CR1: variants seen among roughly 807,000 people sequenced by gnomAD.
CR1 encodes complement receptor type 1.
In CR1, 116 loss-of-function variants were observed where a neutral mutation model predicts 187.3. That is an observed-to-expected ratio of 0.62 (90% CI 0.53 to 0.72). The LOEUF (loss-of-function observed/expected upper bound fraction) is 0.72, where lower values mean the gene tolerates loss of function less well. CR1 is among the 30% of genes least tolerant of loss of function. The probability of loss-of-function intolerance (pLI) is 0.00; values close to 1 mark genes in which losing one functional copy is unlikely to be tolerated. For synonymous variants in CR1, 576 were observed against 747.1 expected (o/e 0.77, Z 3.73); for missense variants, 1,731 against 2,110.7 (o/e 0.82, Z 3.52).
chr1:207,503,648 T>C (rs944969111), intron 1 of CR1, among the ~76,000 whole-genome samples: 1 of 152,182 alleles, frequency 6.6e-6, no homozygotes, highest in African/African-American at 2.4e-5. Flanking sequence ...ACATTTAAGG[T>C]CCACCTAGAT....
Position 207,567,977 on chromosome 1 carries a change from G to T in CR1, c.4106G>T (p.Arg1369Leu). The T allele has an allele frequency of 6.2e-7, 1 of 1,610,404 alleles. No homozygotes were observed. Among genetic ancestry groups the T allele is most frequent in the Non-Finnish European group, 8.5e-7 (1 of 1,179,592 alleles). ...SFDLIGESTI[R>L]CTSDPQGNGV... ...GACCTCATTGGAGAGAGCACCATCC[G>T]CTGCACAAGTGACCCTCAAGGGAAT... The change falls in exon 25 of 47, where the codon CGC (arginine) becomes CTC (leucine). Residue 1369 changes from arginine to leucine, a missense_variant. Arg to Leu is a moderately radical substitution (Grantham distance 102). This residue lies in a region of CR1 where 1,312 missense variants were observed against 1,379.6 expected (regional missense o/e 0.95). Coordinates refer to ENST00000367049, the MANE Select transcript of CR1 (RefSeq NM_000651.6).
intron 45 of CR1, among the ~76,000 whole-genome samples, chr1:207,630,016 T>C (rs1365015896): frequency 6.6e-6 from 1 of 152,196 alleles, no homozygotes; most frequent in East Asian, 1.9e-4. Context: ...AAAAAGTGAG[T>C]AAATATTTCT....
intron 35 of CR1, among the ~76,000 whole-genome samples, chr1:207,600,221 A>C (rs2102371740): frequency 6.6e-6 from 1 of 152,318 alleles, no homozygotes; most frequent in South Asian, 2.1e-4. Context: ...GATTGAGAGC[A>C]TTATTTTTCT....
chr1:207,602,441 G>A (rs1436036007), intron 35 of CR1, among the ~76,000 whole-genome samples: 1 of 152,038 alleles, frequency 6.6e-6, no homozygotes, highest in African/African-American at 2.4e-5. Flanking sequence ...AACAAGTAAG[G>A]TTATTCCAGA....
intron 41 of CR1, among the ~76,000 whole-genome samples, chr1:207,617,507 A>ATGTGTGTGTG (rs1167357538): frequency 0.011 from 510 of 46,974 alleles, 38 homozygotes; most frequent in African/African-American, 0.027. Context: ...ATATATATAT[A>ATGTGTGTGTG]TGTGTGTGTG....
rs903249338 is a variant in CR1 at position 207,503,057 on chromosome 1, C to T, written c.122-2847C>T. On this transcript the variant is annotated intron_variant, in intron 1 of 46. Transcript: ENST00000367049. ...AGCACTCCCACTTTAGCGGAATAAT[C>T]GAATTTAACTCTTAGAAGTCCCCTT... is the stretch of plus-strand genomic sequence containing the variant. 1.1e-4 allele frequency among the ~76,000 whole-genome samples: 17 copies of T among 152,272 alleles called. No homozygotes were observed. In the East Asian group the frequency reaches 2.5e-3, roughly 22 times the overall value.
chr1:207,523,765 C>T lies in CR1; in HGVS notation c.642C>T (p.Tyr214=), dbSNP rs1255056050. The T allele has an allele frequency of 2.5e-6, 4 of 1,612,052 alleles. No homozygotes were observed. The part of the protein sequence containing the change: ...VFELVGEPSI[Y]CTSNDDQVGI... ...AGCTTGTGGGTGAGCCCTCCATATA[C>T]TGCACCAGCAATGACGATCAAGTGG... The change falls in exon 5 of 47, where the codon TAC becomes TAT. Residue 214 remains tyrosine, a synonymous_variant. Transcript: ENST00000367049.
rs139203101 is a variant in CR1 at position 207,521,624 on chromosome 1, C to CTT, written c.488-1962_488-1961dup. 1.6e-3 allele frequency among the ~76,000 whole-genome samples: 141 copies of CTT among 88,300 alleles called. 7 individuals are homozygous for CTT. Among genetic ancestry groups the CTT allele is most frequent in the African/African-American group, 2.2e-3 (49 of 21,808 alleles). The allele number at this position is 88,300 out of a possible 152,430, so 57.9% of individuals were successfully genotyped here. On this transcript the variant is annotated intron_variant, in intron 4 of 46. Transcript: ENST00000367049. Reference sequence around the variant, plus strand: ...TTTATTTTCCAAATCTGCCCTCTTCCTTTTTTTTTTTTTTTTTTTTTTTTT... The same window carrying CTT: ...TTTATTTTCCAAATCTGCCCTCTTCCTTTTTTTTTTTTTTTTTTTTTTTTTTT...
At chr1:207,626,357 T>A (rs1374951545) in intron 45 of CR1, among the ~76,000 whole-genome samples, 1 of 152,202 alleles carries the variant, frequency 6.6e-6, no homozygotes, top group Admixed American at 6.5e-5. Flanking sequence ...GTTGGGCTGA[T>A]TAATCATGCA....
rs1377763732 is a variant in CR1 at position 207,616,814 on chromosome 1, C to T, written c.6889+12C>T. The T allele has an allele frequency of 1.4e-5, 23 of 1,613,394 alleles. No individual in the cohort carries two copies. The highest frequency in any genetic ancestry group is 1.3e-4 in the African/African-American group (10 of 75,032). On this transcript the variant is annotated intron_variant, in intron 41 of 46. Transcript: ENST00000367049. ...TTCTGTTCCTGCTGGTTAGTACCTG[C>T]TTCCACATATCCTAAATGGGTTCAG...
intron 45 of CR1, among the ~76,000 whole-genome samples, chr1:207,624,746 T>G (rs2102407695): frequency 6.6e-6 from 1 of 152,350 alleles, no homozygotes; most frequent in East Asian, 1.9e-4. Context: ...GCACTTTACC[T>G]TAACAAAGTA....
chr1:207,508,392 G>A (rs1228994716), intron 3 of CR1, among the ~76,000 whole-genome samples: 1 of 152,192 alleles, frequency 6.6e-6, no homozygotes, highest in African/African-American at 2.4e-5. Flanking sequence ...CCATGTATAG[G>A]GGCAGGGAGT....
In CR1 at chr1:207,510,746, T is replaced by TTCCTTCC. The variant is rs1199161799; in HGVS notation, c.402-822_402-821insCCTTCCT. ...ATCCCCTTCCTTCCTTCCTTCCTTC[T>TTCCTTCC]TTCCTTCCTTCCTTCCTTCCTCCCT... On this transcript the variant is annotated intron_variant, in intron 3 of 46. Coordinates refer to ENST00000367049, the MANE Select transcript of CR1 (RefSeq NM_000651.6). Among the ~76,000 whole-genome samples, 1,000 of 148,540 alleles carry TTCCTTCC rather than the reference T, an allele frequency of 6.7e-3. 30 individuals carry two copies. Among genetic ancestry groups the TTCCTTCC allele is most frequent in the South Asian group, 0.035 (158 of 4,548 alleles).
Position 207,523,801 on chromosome 1 carries a change from C to T in CR1, c.678C>T (p.Ser226=), listed in dbSNP as rs375736945. 3.7e-5 allele frequency: 59 copies of T among 1,611,852 alleles called. No individual in the cohort carries two copies. The highest frequency in any genetic ancestry group is 1.6e-4 in the East Asian group (7 of 44,884). The stretch of plus-strand genomic sequence containing the variant: ...ATGACGATCAAGTGGGCATCTGGAG[C>T]GGCCCCGCCCCTCAGTGCATTATAC... ...TSNDDQVGIW[S]GPAPQCIIPN... Residue 226 remains serine (S), a synonymous_variant, in exon 5 of 47, where the codon AGC becomes AGT. Transcript: ENST00000367049.
intron 4 of CR1, among the ~76,000 whole-genome samples, chr1:207,520,968 G>GTTTT (rs141546660): frequency 0.025 from 1,098 of 44,668 alleles, 4 homozygotes; most frequent in East Asian, 0.051. Flanking sequence ...TTTTTTGGTT[G>GTTTT]TTTTTTTTTT....
intron 35 of CR1, chr1:207,605,738 C>A (rs930076421): frequency 2.0e-5 from 3 of 152,190 alleles, no homozygotes; most frequent in African/African-American, 7.2e-5. Flanking sequence ...TCTTTCCTTT[C>A]TCCAGTGGTT....
In CR1 at chr1:207,508,463, C is replaced by T. The variant is rs539285707; in HGVS notation, c.401+1650C>T. On this transcript the variant is annotated intron_variant, in intron 3 of 46. Coordinates refer to ENST00000367049, the MANE Select transcript of CR1 (RefSeq NM_000651.6). ...CTGTGAACCAAAAACTGTGCTAAAA[C>T]ACAAAGTCTATTTTTTAAAACTGCA... Among the ~76,000 whole-genome samples, 221 of 152,324 alleles carry T rather than the reference C, an allele frequency of 1.5e-3. 2 individuals carry two copies. Among genetic ancestry groups the T allele is most frequent in the South Asian group, 5.6e-3 (27 of 4,830 alleles).
chr1:207,633,990 G>A (rs1371852588), intron 46 of CR1, among the ~76,000 whole-genome samples: 1 of 152,180 alleles, frequency 6.6e-6, no homozygotes, highest in Non-Finnish European at 1.5e-5. Flanking sequence ...GAGCCAGGAT[G>A]AGCCAGGAAA....
At chr1:207,578,271 T>A (rs1660829531) in intron 29 of CR1, 68 bp downstream of exon 29, 2 of 1,610,612 alleles carry the variant, frequency 1.2e-6, no homozygotes, top group South Asian at 1.1e-5. Flanking sequence ...AGGAGATGAG[T>A]ATTTGTTAAG....
Sources: allele counts gnomAD v4.1 joint callset (sites outside exome capture counted in the v4.1 genomes callset), GRCh38; gene constraint gnomAD v4.1.1; regional missense constraint gnomAD v4.1.1; transcripts MANE v1.5; gene names NCBI Gene and HGNC (gene_info 2026-07-23, HGNC 2026-07-21).